Variants in SUGCT observed in about 807,000 individuals in gnomAD.
SUGCT encodes the protein succinyl-CoA:glutarate CoA-transferase.
Under a neutral mutation model 55.0 loss-of-function variants are expected in SUGCT, and 41 were observed. That is an observed-to-expected ratio of 0.74 (90% CI 0.58 to 0.97). The LOEUF is 0.97. Ranked by LOEUF, SUGCT falls within the 50% of genes least tolerant of loss-of-function variation. The pLI is 0.00. For missense variants in SUGCT, 568 were observed against 547.8 expected, an observed-to-expected ratio of 1.04 and a Z score of -0.37; for synonymous variants, 187 against 200.4, an observed-to-expected ratio of 0.93 and a Z score of 0.56.
chr7:40,368,780 A>G (rs1473497863), intron 9 of SUGCT, among the ~76,000 whole-genome samples: 1 of 152,146 alleles, frequency 6.6e-6, no homozygotes, highest in Non-Finnish European at 1.5e-5. Flanking sequence ...CCTTTTGAAC[A>G]TGCAAGTTCC....
chr7:40,914,073 T>A, the SUGCT span, among the ~76,000 whole-genome samples: 2 of 151,814 alleles, frequency 1.3e-5, no homozygotes, highest in Non-Finnish European at 2.9e-5. Context: ...TTTTTTTTTT[T>A]AGCTTACTCT....
intron 12 of SUGCT, among the ~76,000 whole-genome samples, chr7:40,637,618 C>T (rs1294179937): frequency 6.6e-6 from 1 of 152,202 alleles, no homozygotes; most frequent in Non-Finnish European, 1.5e-5. Flanking sequence ...CCCACTTCAG[C>T]GTGATGGTCC....
At chr7:40,338,442 C>T (rs1033440939) in intron 9 of SUGCT, among the ~76,000 whole-genome samples, 2 of 152,178 alleles carry the variant, frequency 1.3e-5, no homozygotes, top group Admixed American at 6.5e-5. Context: ...AGGCTTTGTT[C>T]GTCTCTTTAT....
intron 12 of SUGCT, among the ~76,000 whole-genome samples, chr7:40,627,222 A>G (rs1799564577): frequency 6.6e-6 from 1 of 152,248 alleles, no homozygotes; most frequent in South Asian, 2.1e-4. Context: ...AGAATGAAGC[A>G]ACAAAAGCAG....
At chr7:40,257,682 C>A (rs1790901190) in intron 7 of SUGCT, among the ~76,000 whole-genome samples, 1 of 152,038 alleles carries the variant, frequency 6.6e-6, no homozygotes. Context: ...TCAAGACCAG[C>A]CTGGCCAACA....
intron 10 of SUGCT, among the ~76,000 whole-genome samples, chr7:40,451,307 G>C (rs1032123333): frequency 2.0e-5 from 3 of 152,118 alleles, no homozygotes; most frequent in African/African-American, 7.2e-5. Context: ...GAAAATAACT[G>C]TACTGAATTC....
chr7:40,180,469 A>G (rs765141675), intron 1 of SUGCT, among the ~76,000 whole-genome samples: 3 of 151,400 alleles, frequency 2.0e-5, no homozygotes, highest in Non-Finnish European at 2.9e-5. Context: ...CAAGGACAGA[A>G]TGCCTACTGT....
intron 5 of SUGCT, among the ~76,000 whole-genome samples, chr7:40,190,951 C>G (rs928418601): frequency 2.0e-5 from 3 of 152,156 alleles, no homozygotes; most frequent in Non-Finnish European, 4.4e-5. Flanking sequence ...GGTGGACTTG[C>G]ACAGTTCAAA....
At chr7:40,915,762 A>G in the SUGCT span, among the ~76,000 whole-genome samples, 1 of 152,214 alleles carries the variant, frequency 6.6e-6, no homozygotes, top group Non-Finnish European at 1.5e-5. Flanking sequence ...TTCAGCAAAT[A>G]CTACTGTACC....
intron 12 of SUGCT, among the ~76,000 whole-genome samples, chr7:40,638,029 A>G (rs752006768): frequency 1.3e-5 from 2 of 152,176 alleles, no homozygotes; most frequent in Non-Finnish European, 1.5e-5. Flanking sequence ...TATGTGGTGC[A>G]TTTTATCTGA....
intron 1 of SUGCT, among the ~76,000 whole-genome samples, chr7:40,178,243 T>C (rs941029209): frequency 3.3e-5 from 5 of 152,228 alleles, no homozygotes; most frequent in African/African-American, 1.2e-4. Context: ...TGGATTTTTC[T>C]GCCTGCTTCC....
chr7:40,286,590 G>T (rs2151033663), intron 8 of SUGCT, among the ~76,000 whole-genome samples: 1 of 152,316 alleles, frequency 6.6e-6, no homozygotes, highest in South Asian at 2.1e-4. Context: ...GGTAGACATA[G>T]TAGTGGTTAA....
intron 7 of SUGCT, among the ~76,000 whole-genome samples, chr7:40,252,702 C>T (rs2150937374): frequency 6.6e-6 from 1 of 151,922 alleles, no homozygotes; most frequent in Admixed American, 6.6e-5. Context: ...GGCTGGAGTG[C>T]AGTGGTGCAG....
At chr7:40,674,612 C>T (rs1802100859) in intron 12 of SUGCT, among the ~76,000 whole-genome samples, 1 of 151,970 alleles carries the variant, frequency 6.6e-6, no homozygotes, top group African/African-American at 2.4e-5. Context: ...CGAAAAAGAG[C>T]CTCATCCATG....
chr7:40,364,203 T>G (rs1030995220), intron 9 of SUGCT, among the ~76,000 whole-genome samples: 3 of 152,196 alleles, frequency 2.0e-5, no homozygotes, highest in Admixed American at 6.6e-5. Context: ...TGAGCCTATG[T>G]GTGTCTCTGC....
intron 9 of SUGCT, among the ~76,000 whole-genome samples, chr7:40,429,121 CG>C (rs1261337504): frequency 6.3e-5 from 5 of 79,314 alleles, no homozygotes; most frequent in East Asian, 6.6e-3. Flanking sequence ...ACATAATTAC[CG>C]TTTTTTTTTT....
intron 12 of SUGCT, among the ~76,000 whole-genome samples, chr7:40,720,023 T>C (rs757902221): frequency 1.8e-4 from 28 of 152,084 alleles, no homozygotes; most frequent in Non-Finnish European, 3.7e-4. Flanking sequence ...TAACCTCAAG[T>C]GATCCACCTG....
At chr7:40,386,322 A>T (rs932678047) in intron 9 of SUGCT, among the ~76,000 whole-genome samples, 1 of 152,120 alleles carries the variant, frequency 6.6e-6, no homozygotes, top group African/African-American at 2.4e-5. Flanking sequence ...AATTCAACTA[A>T]ATCCAACACT....
chr7:40,750,403 A>T (rs991666464), intron 13 of SUGCT, among the ~76,000 whole-genome samples: 2 of 151,966 alleles, frequency 1.3e-5, no homozygotes, highest in Non-Finnish European at 2.9e-5. Context: ...ATTAGCTAGG[A>T]TATAATTTTT....
Sources: allele counts gnomAD v4.1 joint callset (sites outside exome capture counted in the v4.1 genomes callset), GRCh38; gene constraint gnomAD v4.1.1; transcripts MANE v1.5; gene names NCBI Gene and HGNC (gene_info 2026-07-23, HGNC 2026-07-21).